Variants in FRMPD4 observed in about 807,000 individuals in gnomAD.
FRMPD4 encodes the protein FERM and PDZ domain-containing protein 4.
In FRMPD4, 22 loss-of-function variants were observed where a neutral mutation model predicts 94.1. That is an observed-to-expected ratio of 0.23 (90% confidence interval 0.17 to 0.33). FRMPD4 has a LOEUF of 0.33. Ranked by LOEUF, FRMPD4 falls within the 10% of genes least tolerant of loss-of-function variation. FRMPD4 has a pLI of 1.00. For synonymous variants in FRMPD4, 631 were observed against 548.6 expected, an observed-to-expected ratio of 1.15 and a Z score of -2.10; for missense variants, 1,111 against 1,339.9, an observed-to-expected ratio of 0.83 and a Z score of 2.67.
chrX:12,015,071 C>T (rs1271931079), intron 3 of FRMPD4, among the ~76,000 whole-genome samples: 2 of 111,207 alleles, frequency 1.8e-5, no homozygotes, highest in Non-Finnish European at 3.8e-5. Flanking sequence ...CAACACTATG[C>T]TTGGATTTTG....
chrX:12,541,491 A>C (rs1466427978), intron 2 of FRMPD4, among the ~76,000 whole-genome samples: 2 of 112,377 alleles, frequency 1.8e-5, no homozygotes, highest in Non-Finnish European at 3.8e-5. Flanking sequence ...AAAATCTAGA[A>C]GAAATGGATA....
chrX:12,372,611 G>A (rs2056178480), intron 1 of FRMPD4, among the ~76,000 whole-genome samples: 1 of 112,696 alleles, frequency 8.9e-6, no homozygotes, highest in African/African-American at 3.2e-5. Context: ...AGCAGGGTCT[G>A]ATTCCTGGTA....
At chrX:12,117,753 T>C (rs1165297157) in intron 3 of FRMPD4, among the ~76,000 whole-genome samples, 8 of 112,234 alleles carry the variant, frequency 7.1e-5, no homozygotes, top group Non-Finnish European at 3.8e-5. Context: ...TGGTTTGCGC[T>C]GGACAGACCA....
At chrX:12,200,870 G>C (rs1310892867) in intron 1 of FRMPD4, among the ~76,000 whole-genome samples, 1 of 112,482 alleles carries the variant, frequency 8.9e-6, no homozygotes, top group Non-Finnish European at 1.9e-5. Context: ...TAGGGATCAG[G>C]AATATTTAAA....
chrX:12,543,603 A>T (rs1426621123), intron 2 of FRMPD4, among the ~76,000 whole-genome samples: 1 of 112,050 alleles, frequency 8.9e-6, no homozygotes. Flanking sequence ...GCTGGAGAGG[A>T]TGTAGAGAAA....
intron 1 of FRMPD4, among the ~76,000 whole-genome samples, chrX:12,426,877 T>TG (rs1232138126): frequency 6.8e-5 from 2 of 29,339 alleles, no homozygotes; most frequent in African/African-American, 5.2e-4. Flanking sequence ...CTAGCTGTAG[T>TG]TTTTTTTTGT....
intron 1 of FRMPD4, among the ~76,000 whole-genome samples, chrX:12,430,588 G>C (rs1285663747): frequency 1.8e-5 from 2 of 111,875 alleles, no homozygotes; most frequent in Non-Finnish European, 3.8e-5. Flanking sequence ...ACAAAGACAG[G>C]GTTCATCTTA....
intron 2 of FRMPD4, among the ~76,000 whole-genome samples, chrX:11,871,061 G>A (rs1304303994): frequency 8.9e-6 from 1 of 112,653 alleles, no homozygotes; most frequent in African/African-American, 3.2e-5. Context: ...AGAGGCTGTG[G>A]TCTGGTTGCT....
chrX:12,425,090 A>C (rs1030726675), intron 1 of FRMPD4, among the ~76,000 whole-genome samples: 3 of 112,593 alleles, frequency 2.7e-5, no homozygotes, highest in African/African-American at 9.7e-5. Context: ...CAGGAAGACA[A>C]AATAAGTAAG....
intron 1 of FRMPD4, among the ~76,000 whole-genome samples, chrX:12,495,253 A>C (rs2057834150): frequency 8.9e-6 from 1 of 111,995 alleles, no homozygotes; most frequent in Non-Finnish European, 1.9e-5. Flanking sequence ...AAAGCCATTC[A>C]TACTTGCAAA....
intron 3 of FRMPD4, among the ~76,000 whole-genome samples, chrX:11,974,044 A>G (rs2054354434): frequency 9.0e-6 from 1 of 111,693 alleles, no homozygotes; most frequent in African/African-American, 3.3e-5. Flanking sequence ...TTCGAGTGGA[A>G]CTCTGCTTAG....
chrX:11,843,411 G>A (rs1601797881), intron 1 of FRMPD4, among the ~76,000 whole-genome samples: 2 of 110,254 alleles, frequency 1.8e-5, no homozygotes, highest in African/African-American at 6.6e-5. Context: ...CACATATATT[G>A]TAACTCTATA....
chrX:12,123,417 C>T (rs188291199), intron 3 of FRMPD4, among the ~76,000 whole-genome samples: 13 of 111,439 alleles, frequency 1.2e-4, no homozygotes, highest in African/African-American at 3.9e-4. Flanking sequence ...GGATTATAGT[C>T]GTGAGTCACT....
At chrX:12,658,076 G>A (rs2059677168) in intron 4 of FRMPD4, among the ~76,000 whole-genome samples, 1 of 111,707 alleles carries the variant, frequency 9.0e-6, no homozygotes, top group African/African-American at 3.3e-5. Context: ...AAAGTGGCTC[G>A]GTCATGATGA....
chrX:12,479,087 A>C (rs1368224834), intron 1 of FRMPD4, among the ~76,000 whole-genome samples: 1 of 111,368 alleles, frequency 9.0e-6, no homozygotes, highest in Non-Finnish European at 1.9e-5. Flanking sequence ...TTCTCCAAGG[A>C]ACCAATAAAG....
In FRMPD4 at chrX:12,718,549, C is replaced by A; in HGVS notation, c.3723C>A (p.Pro1241=). The change falls in exon 16 of 17, where the codon CCC becomes CCA. Residue 1241 remains proline, a synonymous_variant. Transcript: ENST00000675598. ...CACCCGTGGAGTCGCCGCTCTGCCC[C>A]TCCCTGGGGAAGCACTTGATTCCTG... The part of the protein sequence containing the change: ...CATPVESPLC[P]SLGKHLIPDA... 1 of 1,204,846 alleles carries A rather than the reference C, an allele frequency of 8.3e-7. No individual in the cohort carries two copies. Among genetic ancestry groups the A allele is most frequent in the Non-Finnish European group, 1.1e-6 (1 of 888,918 alleles).
chrX:12,413,708 T>C (rs1218057211), intron 1 of FRMPD4, among the ~76,000 whole-genome samples: 1 of 112,131 alleles, frequency 8.9e-6, no homozygotes, highest in Non-Finnish European at 1.9e-5. Context: ...GAACGTGTTA[T>C]ACTGACTATT....
At chrX:11,835,333 C>G (rs2053495495) in intron 1 of FRMPD4, among the ~76,000 whole-genome samples, 1 of 112,125 alleles carries the variant, frequency 8.9e-6, no homozygotes, top group Non-Finnish European at 1.9e-5. Context: ...TTCCATTTAG[C>G]TCAAACGCAT....
chrX:12,039,967 C>CAAAAAAAAAA (rs367795862), intron 3 of FRMPD4, among the ~76,000 whole-genome samples: 12 of 31,735 alleles, frequency 3.8e-4, no homozygotes, highest in South Asian at 1.6e-3. Context: ...AAAACTTTGT[C>CAAAAAAAAAA]AAAAAAAAAA....
Sources: gnomAD v4.1 joint callset for allele counts (sites outside exome capture counted in the v4.1 genomes callset) on GRCh38, gnomAD v4.1.1 for gene constraint, MANE v1.5 for transcripts, NCBI Gene and HGNC (gene_info 2026-07-23, HGNC 2026-07-21) for gene names.